MACROD2: variants seen among roughly 807,000 people sequenced by gnomAD.
MACROD2 encodes the protein ADP-ribose glycohydrolase MACROD2.
Under a neutral mutation model 70.4 loss-of-function variants are expected in MACROD2, and 36 were observed. The observed-to-expected ratio is 0.51, with a 90% CI of 0.39 to 0.68. The LOEUF is 0.68. Among genes scored for constraint, MACROD2 ranks in the 30% least tolerant of loss-of-function variants. The pLI is 0.00. For synonymous variants in MACROD2, 172 were observed against 178.8 expected (o/e 0.96, Z 0.30); for missense variants, 496 against 538.4 (o/e 0.92, Z 0.78).
chr20:14,047,758 A>G (rs760670268), intron 2 of MACROD2, among the ~76,000 whole-genome samples: 1 of 152,220 alleles, frequency 6.6e-6, no homozygotes, highest in Non-Finnish European at 1.5e-5. Context: ...GATGTGGGAT[A>G]TCAGTATGTG....
chr20:15,616,573 C>T (rs1215111896), intron 8 of MACROD2, among the ~76,000 whole-genome samples: 1 of 152,158 alleles, frequency 6.6e-6, no homozygotes, highest in African/African-American at 2.4e-5. Context: ...CTGGTAAACG[C>T]CCCAGGACAT....
intron 5 of MACROD2, among the ~76,000 whole-genome samples, chr20:15,040,687 A>G (rs927957500): frequency 1.1e-4 from 17 of 152,188 alleles, no homozygotes; most frequent in African/African-American, 3.6e-4. Context: ...GTTTTCTCTG[A>G]CCCTATCGGA....
intron 3 of MACROD2, among the ~76,000 whole-genome samples, chr20:14,105,934 A>T (rs2054362593): frequency 6.6e-6 from 1 of 152,196 alleles, no homozygotes; most frequent in Non-Finnish European, 1.5e-5. Context: ...TCACCTGTTG[A>T]CTAAAGAGAA....
At chr20:14,248,077 A>G (rs2081982274) in intron 3 of MACROD2, among the ~76,000 whole-genome samples, 1 of 148,516 alleles carries the variant, frequency 6.7e-6, no homozygotes, top group South Asian at 2.3e-4. Context: ...TTTTCACTGT[A>G]TTAATGATAC....
intron 5 of MACROD2, among the ~76,000 whole-genome samples, chr20:14,710,399 A>C (rs1230610889): frequency 6.6e-6 from 1 of 152,346 alleles, no homozygotes; most frequent in Admixed American, 6.5e-5. Context: ...TTAGTGATTT[A>C]AATAGCATTT....
intron 9 of MACROD2, among the ~76,000 whole-genome samples, chr20:15,873,028 C>G (rs1417285018): frequency 6.6e-6 from 1 of 152,152 alleles, no homozygotes; most frequent in Admixed American, 6.6e-5. Flanking sequence ...AATTATTTCT[C>G]TATTTGCTTA....
intron 2 of MACROD2, among the ~76,000 whole-genome samples, chr20:14,035,256 C>T (rs1185528660): frequency 2.0e-5 from 3 of 152,158 alleles, no homozygotes; most frequent in African/African-American, 4.8e-5. Flanking sequence ...CAATAGTGCT[C>T]ATAGCAGGCA....
intron 3 of MACROD2, among the ~76,000 whole-genome samples, chr20:14,412,624 C>A (rs1298225185): frequency 6.6e-6 from 1 of 152,170 alleles, no homozygotes. Context: ...ATCCCTGTAA[C>A]CTTTGCATAA....
At chr20:14,406,440 C>G (rs2083691921) in intron 3 of MACROD2, among the ~76,000 whole-genome samples, 1 of 152,026 alleles carries the variant, frequency 6.6e-6, no homozygotes. Context: ...GAACCTGGTA[C>G]AAAGAATGAT....
At chr20:15,156,989 G>C (rs1211985846) in intron 5 of MACROD2, among the ~76,000 whole-genome samples, 1 of 152,182 alleles carries the variant, frequency 6.6e-6, no homozygotes, top group East Asian at 1.9e-4. Context: ...TGTGATTTCA[G>C]CGCTAAGCTG....
intron 11 of MACROD2, among the ~76,000 whole-genome samples, chr20:15,936,037 G>A (rs930122827): frequency 2.0e-5 from 3 of 151,964 alleles, no homozygotes; most frequent in African/African-American, 2.4e-5. Flanking sequence ...CAAAAGATAG[G>A]CTAGAAAATA....
chr20:15,697,332 G>T (rs1225168350), intron 8 of MACROD2, among the ~76,000 whole-genome samples: 1 of 152,266 alleles, frequency 6.6e-6, no homozygotes, highest in East Asian at 1.9e-4. Flanking sequence ...TTAGGAGCAG[G>T]TTATTTAATT....
At chr20:15,803,004 A>G (rs534168300) in intron 8 of MACROD2, among the ~76,000 whole-genome samples, 1 of 152,246 alleles carries the variant, frequency 6.6e-6, no homozygotes, top group South Asian at 2.1e-4. Context: ...GAGTAATGAG[A>G]TTAAATTGGT....
chr20:16,003,068 A>T (rs1341531665), intron 15 of MACROD2, among the ~76,000 whole-genome samples: 1 of 118,688 alleles, frequency 8.4e-6, no homozygotes, highest in Admixed American at 8.3e-5. Context: ...AAAATAGAAA[A>T]CCCACCCACC....
chr20:15,237,203 T>C (rs2077021303), intron 6 of MACROD2, among the ~76,000 whole-genome samples: 1 of 152,232 alleles, frequency 6.6e-6, no homozygotes. Flanking sequence ...TCTTTTTCAC[T>C]GTATCCTGGA....
chr20:15,812,566 T>TA (rs5840687), intron 8 of MACROD2, among the ~76,000 whole-genome samples: 214 of 145,674 alleles, frequency 1.5e-3, no homozygotes, highest in African/African-American at 2.7e-3. Flanking sequence ...ATATTGGATT[T>TA]AAAAAAAAAA....
At chr20:16,041,339 A>C in intron 16 of MACROD2, 61 bp downstream of exon 16, 4 of 1,349,804 alleles carry the variant, frequency 3.0e-6, no homozygotes, top group Non-Finnish European at 4.2e-6. Flanking sequence ...TTCTATGTGT[A>C]ATCTAGGATT....
chr20:15,452,327 G>A (rs1316862482), intron 7 of MACROD2, among the ~76,000 whole-genome samples: 1 of 152,062 alleles, frequency 6.6e-6, no homozygotes, highest in South Asian at 2.1e-4. Context: ...ATTAGAAGAT[G>A]GCAGGAAGAT....
At chr20:15,766,077 AT>A (rs925928289) in intron 8 of MACROD2, among the ~76,000 whole-genome samples, 3 of 151,990 alleles carry the variant, frequency 2.0e-5, no homozygotes, top group African/African-American at 7.2e-5. Context: ...TATGTTTTTT[AT>A]TTGTTTTTTC....
Sources: gnomAD v4.1 joint callset for allele counts (sites outside exome capture counted in the v4.1 genomes callset) on GRCh38, gnomAD v4.1.1 for gene constraint, MANE v1.5 for transcripts, NCBI Gene and HGNC (gene_info 2026-07-23, HGNC 2026-07-21) for gene names.